The following NTM variants were observed in gnomAD, a reference collection of about 807,000 sequenced individuals.
The protein encoded by NTM is neurotrimin.
Under a neutral mutation model 42.1 loss-of-function variants are expected in NTM, and 13 were observed. The observed-to-expected ratio is 0.31, with a 90% CI of 0.20 to 0.49. The LOEUF (loss-of-function observed/expected upper bound fraction) is 0.49. Among genes scored for constraint, NTM ranks in the 20% least tolerant of loss-of-function variants. The pLI, the probability that NTM is intolerant of heterozygous loss-of-function variation, is 0.99. For missense variants in NTM, 373 were observed against 452.8 expected, an observed-to-expected ratio of 0.82 and a Z score of 1.60; for synonymous variants, 187 against 179.2, an observed-to-expected ratio of 1.04 and a Z score of -0.35.
At chr11:131,776,823 C>T (rs1227903495) in intron 1 of NTM, among the ~76,000 whole-genome samples, 1 of 152,134 alleles carries the variant, frequency 6.6e-6, no homozygotes, top group Non-Finnish European at 1.5e-5. Flanking sequence ...GCACTAGAGC[C>T]TTTGAATCCT....
At chr11:132,287,944 C>A (rs1051542648) in intron 4 of NTM, among the ~76,000 whole-genome samples, 3 of 152,202 alleles carry the variant, frequency 2.0e-5, no homozygotes, top group African/African-American at 7.2e-5. Flanking sequence ...TGAGGCTACT[C>A]ATTTAATAAA....
At chr11:131,951,387 A>G (rs1187101868) in intron 2 of NTM, among the ~76,000 whole-genome samples, 1 of 152,100 alleles carries the variant, frequency 6.6e-6, no homozygotes, top group Non-Finnish European at 1.5e-5. Context: ...GGCCTATGAA[A>G]AGCTGGTTTG....
intron 3 of NTM, among the ~76,000 whole-genome samples, chr11:132,171,655 A>G (rs1043196361): frequency 1.3e-5 from 2 of 152,162 alleles, no homozygotes; most frequent in Non-Finnish European, 2.9e-5. Context: ...CCTTTCACAC[A>G]CTTGGAATGC....
intron 1 of NTM, among the ~76,000 whole-genome samples, chr11:131,577,975 T>A (rs2058077565): frequency 6.6e-6 from 1 of 152,226 alleles, no homozygotes. Context: ...TTAAGTGTAT[T>A]AGTAAGTAGA....
In NTM at chr11:131,754,683, G is replaced by T. The variant is rs188539256; in HGVS notation, c.83-156881G>T. Among the ~76,000 whole-genome samples, 77 of 151,492 alleles carry T rather than the reference G, an allele frequency of 5.1e-4. 1 individual carries two copies. The East Asian group carries it at 0.011, about 23-fold the overall frequency. ...ATATAACCCAACCATTTCACATCTT[G>T]GTATTTGTCTAAGACAGATAAAATC... On this transcript the variant is annotated intron_variant, in intron 1 of 8. Transcript: ENST00000683400.
chr11:131,786,858 A>T (rs1009405100), intron 1 of NTM, among the ~76,000 whole-genome samples: 13 of 152,334 alleles, frequency 8.5e-5, no homozygotes, highest in African/African-American at 3.1e-4. Context: ...ATTCCTGTCC[A>T]TTGAGCTAAA....
chr11:131,630,147 G>A (rs1458650140), intron 1 of NTM, among the ~76,000 whole-genome samples: 4 of 152,110 alleles, frequency 2.6e-5, no homozygotes, highest in African/African-American at 4.8e-5. Context: ...TCCATCTACC[G>A]GCAAAGGAGG....
chr11:132,122,973 G>A (rs1290017683), intron 2 of NTM, among the ~76,000 whole-genome samples: 3 of 152,154 alleles, frequency 2.0e-5, no homozygotes, highest in African/African-American at 7.2e-5. Context: ...GACTCTAGTT[G>A]TTCTCCTTCC....
intron 1 of NTM, among the ~76,000 whole-genome samples, chr11:131,848,766 A>C (rs1010946446): frequency 2.0e-5 from 3 of 152,318 alleles, no homozygotes; most frequent in African/African-American, 7.2e-5. Flanking sequence ...CACACCTAGG[A>C]AATATCAGAG....
At chr11:132,315,065 C>T in intron 7 of NTM, 3 of 1,038,192 alleles carry the variant, frequency 2.9e-6, no homozygotes, top group Non-Finnish European at 3.5e-6. Flanking sequence ...TTTGGAATGC[C>T]AAAAATGACA....
intron 2 of NTM, among the ~76,000 whole-genome samples, chr11:132,054,772 TGAG>T (rs1299355566): frequency 1.3e-5 from 2 of 152,250 alleles, no homozygotes; most frequent in Non-Finnish European, 2.9e-5. Flanking sequence ...GTGAATCTCT[TGAG>T]GGAGTACTGG....
intron 1 of NTM, among the ~76,000 whole-genome samples, chr11:131,835,353 G>A (rs917268714): frequency 2.0e-5 from 3 of 151,820 alleles, no homozygotes; most frequent in Non-Finnish European, 2.9e-5. Flanking sequence ...TTCACGATAC[G>A]TATATGAAAA....
chr11:131,465,522 A>G (rs1208260028), intron 1 of NTM, among the ~76,000 whole-genome samples: 1 of 152,030 alleles, frequency 6.6e-6, no homozygotes, highest in African/African-American at 2.4e-5. Context: ...TTCTCTTCCA[A>G]CCATTAAAGT....
chr11:131,795,796 G>A, intron 1 of NTM: 10 of 985,376 alleles, frequency 1.0e-5, no homozygotes, highest in Non-Finnish European at 1.2e-5. Context: ...TTGGGGGGTG[G>A]TGGGAGCACA....
intron 1 of NTM, among the ~76,000 whole-genome samples, chr11:131,384,955 G>A (rs1317422781): frequency 2.0e-5 from 3 of 152,200 alleles, no homozygotes; most frequent in Non-Finnish European, 4.4e-5. Flanking sequence ...TGGACCTGTT[G>A]CACATGGCCT....
At chr11:131,616,312 T>C (rs1235355725) in intron 1 of NTM, among the ~76,000 whole-genome samples, 2 of 152,052 alleles carry the variant, frequency 1.3e-5, no homozygotes, top group African/African-American at 4.8e-5. Context: ...CACCCAGAAA[T>C]GGGGCTTGGG....
At position 131,930,774 on chromosome 11, in the gene NTM, C is replaced by A. The variant is rs1408447310; in HGVS notation, c.167+19126C>A. Among the ~76,000 whole-genome samples the A allele has an allele frequency of 4.6e-5, 7 of 152,130 alleles. No homozygotes were observed. In the South Asian group the frequency reaches 1.5e-3, roughly 32 times the overall value. The stretch of plus-strand genomic sequence containing the variant: ...GTCTAGTTTTTCTTGTTCTTCCCTC[C>A]AAATAGAAAGAAATTTTATGTATTC... On this transcript the variant is annotated intron_variant, in intron 2 of 8. Coordinates refer to ENST00000683400, the MANE Select transcript of NTM (RefSeq NM_001352005.2).
chr11:132,319,864 C>G (rs1565473420), intron 7 of NTM, among the ~76,000 whole-genome samples: 1 of 152,204 alleles, frequency 6.6e-6, no homozygotes, highest in South Asian at 2.1e-4. Context: ...GGGAGGCACC[C>G]CCCAGTAGGG....
At chr11:132,034,291 T>G (rs1193641923) in intron 2 of NTM, among the ~76,000 whole-genome samples, 2 of 152,226 alleles carry the variant, frequency 1.3e-5, no homozygotes, top group Non-Finnish European at 2.9e-5. Context: ...CTCATCTCTT[T>G]CCTGCCTGCC....
Sources: gnomAD v4.1 joint callset for allele counts (sites outside exome capture counted in the v4.1 genomes callset) on GRCh38, gnomAD v4.1.1 for gene constraint, MANE v1.5 for transcripts, NCBI Gene and HGNC (gene_info 2026-07-23, HGNC 2026-07-21) for gene names.